Variants in CTNNA3 observed in about 807,000 individuals in gnomAD.
CTNNA3 encodes catenin alpha 3.
CTNNA3 carries 76 observed loss-of-function variants against 95.7 expected under a neutral mutation model. That is an observed-to-expected ratio of 0.79 (90% CI 0.66 to 0.96). The LOEUF is 0.96. CTNNA3 is among the 40% of genes least tolerant of loss of function. The pLI is 0.00. For synonymous variants in CTNNA3, 431 were observed against 374.4 expected (o/e 1.15, Z -1.74); for missense variants, 1,191 against 1,089.8 (o/e 1.09, Z -1.31).
At chr10:66,592,535 A>G (rs969627677) in intron 10 of CTNNA3, among the ~76,000 whole-genome samples, 4 of 152,196 alleles carry the variant, frequency 2.6e-5, no homozygotes, top group Non-Finnish European at 5.9e-5. Flanking sequence ...ATCAGAATGT[A>G]TATGACAGAT....
intron 9 of CTNNA3, among the ~76,000 whole-genome samples, chr10:66,640,971 GA>G (rs1330851450): frequency 4.0e-5 from 6 of 151,878 alleles, no homozygotes; most frequent in Non-Finnish European, 7.4e-5. Context: ...TGACATGGGA[GA>G]AAAAAACAAA....
intron 13 of CTNNA3, among the ~76,000 whole-genome samples, chr10:66,242,101 G>T (rs973066389): frequency 1.3e-5 from 2 of 152,154 alleles, no homozygotes; most frequent in African/African-American, 4.8e-5. Flanking sequence ...CCCCTGCCAT[G>T]TGATTCCCTG....
chr10:67,264,897 T>C (rs952728691), intron 5 of CTNNA3, among the ~76,000 whole-genome samples: 1 of 152,172 alleles, frequency 6.6e-6, no homozygotes, highest in Admixed American at 6.6e-5. Flanking sequence ...TATGAAGGCA[T>C]CGAGAAAAGA....
chr10:67,224,144 G>A (rs1034181218), intron 5 of CTNNA3, among the ~76,000 whole-genome samples: 37 of 152,230 alleles, frequency 2.4e-4, no homozygotes, highest in African/African-American at 8.4e-4. Flanking sequence ...TTTCAAGTAA[G>A]CAATACATTA....
intron 5 of CTNNA3, among the ~76,000 whole-genome samples, chr10:67,231,789 C>T (rs944653735): frequency 6.6e-6 from 1 of 152,138 alleles, no homozygotes; most frequent in Non-Finnish European, 1.5e-5. Context: ...TGTATAACCA[C>T]AAGAACCAAT....
At chr10:66,125,951 A>T (rs1317242076) in intron 13 of CTNNA3, among the ~76,000 whole-genome samples, 35 of 152,202 alleles carry the variant, frequency 2.3e-4, no homozygotes, top group Non-Finnish European at 2.9e-5. Flanking sequence ...GTCAAAAGCC[A>T]TAGAAATTTA....
rs561790098 is a variant in CTNNA3 at position 67,342,842 on chromosome 10, G to C, written c.580-122972C>G. Among the ~76,000 whole-genome samples, 7 of 152,216 alleles carry C rather than the reference G, an allele frequency of 4.6e-5. No homozygotes were observed. The East Asian group carries it at 1.4e-3, about 29-fold the overall frequency. ...GTACCATGCAGTATTGGTTACTATA[G>C]CTCTGTAGTAAATTTGAAGTTAGGT... On this transcript the variant is annotated intron_variant, in intron 5 of 17. Coordinates refer to ENST00000433211, the MANE Select transcript of CTNNA3 (RefSeq NM_013266.4).
intron 1 of CTNNA3, among the ~76,000 whole-genome samples, chr10:67,658,127 G>C (rs543489553): frequency 6.6e-6 from 1 of 152,180 alleles, no homozygotes; most frequent in Non-Finnish European, 1.5e-5. Context: ...ATCAGCATCA[G>C]CTTTAAAGTT....
chr10:67,443,401 C>G (rs1254541361), intron 5 of CTNNA3, among the ~76,000 whole-genome samples: 3 of 146,220 alleles, frequency 2.1e-5, no homozygotes, highest in African/African-American at 7.5e-5. Flanking sequence ...AACTAGTTTA[C>G]AGTCCCACCA....
At chr10:66,320,769 A>C (rs1447148633) in intron 12 of CTNNA3, among the ~76,000 whole-genome samples, 1 of 152,184 alleles carries the variant, frequency 6.6e-6, no homozygotes, top group Non-Finnish European at 1.5e-5. Flanking sequence ...AACACCATAA[A>C]AAAGAGAAAA....
rs564284441 is a variant in CTNNA3 at position 65,963,680 on chromosome 10, C to T, written c.2400+2932G>A. On this transcript the variant is annotated intron_variant, in intron 17 of 17. Coordinates refer to ENST00000433211, the MANE Select transcript of CTNNA3 (RefSeq NM_013266.4). Reference sequence around the variant, plus strand: ...ATCATATAATCATCTTTACATCCCTCAGATGTACTACTATGCCTTGCACAG... The same window carrying T: ...ATCATATAATCATCTTTACATCCCTTAGATGTACTACTATGCCTTGCACAG... Among the ~76,000 whole-genome samples the T allele has an allele frequency of 1.5e-4, 23 of 152,278 alleles. No homozygotes were observed. The South Asian group carries it at 2.3e-3, about 15-fold the overall frequency.
intron 3 of CTNNA3, among the ~76,000 whole-genome samples, chr10:67,595,349 A>C (rs1292943056): frequency 6.6e-6 from 1 of 152,090 alleles, no homozygotes; most frequent in African/African-American, 2.4e-5. Flanking sequence ...GTTTTCATTT[A>C]TTCCAAAGTA....
intron 9 of CTNNA3, among the ~76,000 whole-genome samples, chr10:66,691,956 A>G (rs964739251): frequency 1.3e-5 from 2 of 152,204 alleles, no homozygotes; most frequent in African/African-American, 4.8e-5. Flanking sequence ...CCAAAAACCC[A>G]TCTGTACATC....
At chr10:66,387,443 C>A (rs2092902017) in intron 11 of CTNNA3, among the ~76,000 whole-genome samples, 1 of 152,094 alleles carries the variant, frequency 6.6e-6, no homozygotes, top group African/African-American at 2.4e-5. Context: ...AGCCAGGAAA[C>A]AACAGATGCT....
Position 66,003,329 on chromosome 10 carries a change from G to GGTGTGTGTGTGTGT in CTNNA3, c.2160-14546_2160-14533dup, listed in dbSNP as rs376512211. ...TGGTGGCGGTGGTGGTGGTGGTGGT[G>GGTGTGTGTGTGTGT]GTGTGTGTGTGTGTGTGTGGAGAGA... On this transcript the variant is annotated intron_variant, in intron 15 of 17. Transcript: ENST00000433211. Among the ~76,000 whole-genome samples, 154 of 149,938 alleles carry GGTGTGTGTGTGTGT rather than the reference G, an allele frequency of 1.0e-3. 1 individual carries two copies. Among genetic ancestry groups the GGTGTGTGTGTGTGT allele is most frequent in the African/African-American group, 3.6e-3 (147 of 40,922 alleles).
At chr10:67,674,616 T>G (rs868413437) in intron 1 of CTNNA3, among the ~76,000 whole-genome samples, 24 of 152,264 alleles carry the variant, frequency 1.6e-4, no homozygotes, top group Middle Eastern at 3.4e-3. Context: ...ACATGACATT[T>G]TAACTCCCAT....
chr10:66,131,240 C>G (rs1006512020), intron 13 of CTNNA3, among the ~76,000 whole-genome samples: 5 of 152,084 alleles, frequency 3.3e-5, no homozygotes, highest in Non-Finnish European at 7.4e-5. Context: ...TCATCCTGAA[C>G]CAAAACCTGG....
intron 1 of CTNNA3, among the ~76,000 whole-genome samples, chr10:67,686,960 G>A (rs1840743865): frequency 6.6e-6 from 1 of 152,130 alleles, no homozygotes; most frequent in Non-Finnish European, 1.5e-5. Context: ...CTCCAGCTTT[G>A]GCTAATATGT....
intron 17 of CTNNA3, among the ~76,000 whole-genome samples, chr10:65,939,952 T>C (rs191967696): frequency 6.1e-4 from 93 of 152,276 alleles, no homozygotes; most frequent in African/African-American, 2.2e-3. Context: ...ATATTATTTA[T>C]GACAAAATAA....
Sources: allele counts gnomAD v4.1 joint callset (sites outside exome capture counted in the v4.1 genomes callset), GRCh38; gene constraint gnomAD v4.1.1; transcripts MANE v1.5; gene names NCBI Gene and HGNC (gene_info 2026-07-23, HGNC 2026-07-21).